Variants in KAZN observed in about 807,000 individuals in gnomAD.
KAZN encodes the protein kazrin.
In KAZN, 40 loss-of-function variants were observed where a neutral mutation model predicts 87.4. The ratio of observed to expected loss-of-function variants is 0.46; its 90% CI spans 0.36 to 0.60. The LOEUF (loss-of-function observed/expected upper bound fraction) is 0.60. KAZN is among the 20% of genes least tolerant of loss of function. The probability of loss-of-function intolerance (pLI) is 0.00; values close to 1 mark genes in which losing one functional copy is unlikely to be tolerated. For synonymous variants in KAZN, 466 were observed against 458.3 expected (o/e 1.02, Z -0.22); for missense variants, 898 against 1,073.9 (o/e 0.84, Z 2.29).
intron 1 of KAZN, among the ~76,000 whole-genome samples, chr1:14,734,976 A>G (rs193262921): frequency 1.3e-5 from 2 of 152,328 alleles, no homozygotes; most frequent in South Asian, 2.1e-4. Flanking sequence ...GGGGCAAGAA[A>G]CATTCAGGAG....
intron 1 of KAZN, among the ~76,000 whole-genome samples, chr1:14,613,665 T>A (rs1677990642): frequency 6.6e-6 from 1 of 152,240 alleles, no homozygotes; most frequent in African/African-American, 2.4e-5. Flanking sequence ...GGTACATACA[T>A]GCAAGAAAAA....
At chr1:14,572,175 A>G (rs1169866659) in intron 2 of KAZN, among the ~76,000 whole-genome samples, 1 of 152,166 alleles carries the variant, frequency 6.6e-6, no homozygotes, top group Non-Finnish European at 1.5e-5. Flanking sequence ...TCAGTAGGTA[A>G]CACTTTACAT....
At chr1:14,643,093 C>T (rs1034289640) in intron 1 of KAZN, among the ~76,000 whole-genome samples, 1 of 147,370 alleles carries the variant, frequency 6.8e-6, no homozygotes, top group Non-Finnish European at 1.5e-5. Flanking sequence ...TAACCCCAAA[C>T]TGGAAACAAC....
At chr1:14,477,867 A>C (rs1407633096) in intron 2 of KAZN, among the ~76,000 whole-genome samples, 1 of 152,174 alleles carries the variant, frequency 6.6e-6, no homozygotes, top group East Asian at 1.9e-4. Flanking sequence ...TGGAGTCGGC[A>C]GATAAATTAC....
chr1:14,713,793 A>AG (rs61640714), intron 1 of KAZN, among the ~76,000 whole-genome samples: 19 of 61,622 alleles, frequency 3.1e-4, no homozygotes, highest in Middle Eastern at 8.3e-3. Flanking sequence ...AAAAAAAAAA[A>AG]AAAAAAAGAA....
At chr1:14,741,543 A>G (rs928227269) in intron 1 of KAZN, among the ~76,000 whole-genome samples, 2 of 152,258 alleles carry the variant, frequency 1.3e-5, no homozygotes, top group Admixed American at 1.3e-4. Context: ...AACTATTTAC[A>G]TATTGAAAAG....
At chr1:14,713,788 A>AG (rs1642618403) in intron 1 of KAZN, among the ~76,000 whole-genome samples, 1 of 122,964 alleles carries the variant, frequency 8.1e-6, no homozygotes, top group Non-Finnish European at 1.7e-5. Flanking sequence ...AAAAAAAAAA[A>AG]AAAAAAAAAA....
At chr1:14,409,034 T>C (rs74838306) in intron 2 of KAZN, among the ~76,000 whole-genome samples, 10,929 of 152,208 alleles carry the variant, frequency 0.072, 608 homozygotes, top group South Asian at 0.11. Context: ...ATTTTTTCAA[T>C]GCAGAGCCTT....
intron 2 of KAZN, among the ~76,000 whole-genome samples, chr1:14,378,376 C>T (rs1661085657): frequency 6.6e-6 from 1 of 152,192 alleles, no homozygotes; most frequent in Non-Finnish European, 1.5e-5. Context: ...AATCATCCCC[C>T]AATTTAACAA....
chr1:14,533,393 C>G (rs1364138792), intron 2 of KAZN, among the ~76,000 whole-genome samples: 1 of 152,168 alleles, frequency 6.6e-6, no homozygotes, highest in Non-Finnish European at 1.5e-5. Flanking sequence ...ATCCCACATG[C>G]AGGCAGGGTA....
chr1:14,979,506 C>T (rs753845818), intron 2 of KAZN, among the ~76,000 whole-genome samples: 3 of 152,106 alleles, frequency 2.0e-5, no homozygotes, highest in Non-Finnish European at 4.4e-5. Context: ...CATGCTGTGT[C>T]CTGGAGCTAT....
rs370592049 is a variant in KAZN, at chr1:13,980,984, A to C, written c.91+87228A>C. On this transcript the variant is annotated intron_variant, in intron 1 of 16. Coordinates refer to the KAZN transcript ENST00000636203. ...GAACGAGTGTTCCAGAACCTGGGGG[A>C]AGCTGTATAACATTTTATGAGTCAG... Among the ~76,000 whole-genome samples the C allele has an allele frequency of 2.0e-4, 30 of 148,260 alleles. 1 individual carries two copies. Among genetic ancestry groups the C allele is most frequent in the Admixed American group, 7.6e-4 (11 of 14,464 alleles).
At chr1:13,897,532 G>T (rs1639089946) in intron 1 of KAZN, among the ~76,000 whole-genome samples, 1 of 152,136 alleles carries the variant, frequency 6.6e-6, no homozygotes, top group Non-Finnish European at 1.5e-5. Context: ...GAATAGATCT[G>T]AAAGTCCTGG....
At chr1:14,969,317 A>G (rs2101825894) in intron 2 of KAZN, among the ~76,000 whole-genome samples, 1 of 152,346 alleles carries the variant, frequency 6.6e-6, no homozygotes, top group East Asian at 1.9e-4. Context: ...CATTCCCTCC[A>G]TCAAAGACGT....
rs919555095 is a variant in KAZN at position 14,773,229 on chromosome 1, A to G, written c.226+174006A>G. Among the ~76,000 whole-genome samples, 1 of 152,088 alleles carries G rather than the reference A, an allele frequency of 6.6e-6. No homozygotes were observed. Among genetic ancestry groups the G allele is most frequent in the Non-Finnish European group, 1.5e-5 (1 of 68,016 alleles). On this transcript the variant is annotated intron_variant, in intron 1 of 14. Coordinates refer to ENST00000376030, the MANE Select transcript of KAZN (RefSeq NM_201628.3). The surrounding 1 kb of genome is among the most constrained non-coding windows in gnomAD (Gnocchi z 5.9). ...ACAAAGACGGCCCCAACACTTCCGG[A>G]AGAGATCTGATACTGAGATCCCGCT...
chr1:14,419,044 G>A (rs1358745588), intron 2 of KAZN, among the ~76,000 whole-genome samples: 2 of 152,236 alleles, frequency 1.3e-5, no homozygotes, highest in African/African-American at 2.4e-5. Flanking sequence ...AAAAATACAA[G>A]GATGCTATAT....
intron 1 of KAZN, among the ~76,000 whole-genome samples, chr1:14,918,021 AG>A (rs1382771549): frequency 6.6e-6 from 1 of 151,836 alleles, no homozygotes; most frequent in Non-Finnish European, 1.5e-5. Context: ...TGGGATTACA[AG>A]CATGAGCCAC....
intron 1 of KAZN, among the ~76,000 whole-genome samples, chr1:14,840,280 G>T (rs574754723): frequency 1.6e-4 from 25 of 152,254 alleles, no homozygotes; most frequent in Middle Eastern, 3.4e-3. Flanking sequence ...AAAGTCTGGG[G>T]TGGGGGATCT....
chr1:13,984,375 T>A (rs1382113956), intron 1 of KAZN, among the ~76,000 whole-genome samples: 1 of 152,256 alleles, frequency 6.6e-6, no homozygotes, highest in Admixed American at 6.5e-5. Flanking sequence ...TGTTCTTTAC[T>A]GGAATTGCCA....
Sources: gnomAD v4.1 joint callset for allele counts (sites outside exome capture counted in the v4.1 genomes callset) on GRCh38, gnomAD v4.1.1 for gene constraint, Gnocchi (gnomAD v3.1) non-coding constraint, MANE v1.5 for transcripts, NCBI Gene and HGNC (gene_info 2026-07-23, HGNC 2026-07-21) for gene names.